Variants in STXBP5L observed in about 807,000 individuals in gnomAD.
The protein encoded by STXBP5L is syntaxin binding protein 5L.
A neutral mutation model predicts 144.5 loss-of-function variants in STXBP5L; 65 were observed. The observed-to-expected ratio is 0.45, with a 90% CI of 0.37 to 0.55. The LOEUF (loss-of-function observed/expected upper bound fraction) is 0.55, where lower values mean the gene tolerates loss of function less well. Among genes scored for constraint, STXBP5L ranks in the 20% least tolerant of loss-of-function variants. STXBP5L has a pLI of 0.00. For missense variants in STXBP5L, 1,298 were observed against 1,405.5 expected (o/e 0.92, Z 1.22); for synonymous variants, 505 against 469.6 (o/e 1.08, Z -0.97).
chr3:121,358,446 C>T (rs1471712001), intron 20 of STXBP5L, among the ~76,000 whole-genome samples: 1 of 152,112 alleles, frequency 6.6e-6, no homozygotes, highest in Non-Finnish European at 1.5e-5. Context: ...CGAGGCATGT[C>T]TTCTCATGGC....
intron 3 of STXBP5L, among the ~76,000 whole-genome samples, chr3:121,004,975 G>A (rs978992743): frequency 6.6e-6 from 1 of 152,090 alleles, no homozygotes; most frequent in African/African-American, 2.4e-5. Flanking sequence ...GAGGATTTTT[G>A]CATCGATGTT....
At chr3:121,084,158 G>C (rs2042382094) in intron 5 of STXBP5L, among the ~76,000 whole-genome samples, 1 of 151,864 alleles carries the variant, frequency 6.6e-6, no homozygotes, top group Non-Finnish European at 1.5e-5. Context: ...AGGTTGTTGA[G>C]ACAGGAGGTA....
intron 3 of STXBP5L, among the ~76,000 whole-genome samples, chr3:121,021,336 AC>A (rs1331211228): frequency 1.3e-5 from 2 of 152,156 alleles, no homozygotes; most frequent in Non-Finnish European, 2.9e-5. Flanking sequence ...TTAATACTCT[AC>A]TGATAGTACT....
chr3:121,303,988 C>A (rs1202051655), intron 19 of STXBP5L, among the ~76,000 whole-genome samples: 2 of 151,412 alleles, frequency 1.3e-5, no homozygotes, highest in Non-Finnish European at 2.9e-5. Flanking sequence ...TGTAACAAAC[C>A]TGCACATTGT....
At chr3:121,003,147 G>T (rs959477455) in intron 3 of STXBP5L, among the ~76,000 whole-genome samples, 2 of 152,124 alleles carry the variant, frequency 1.3e-5, no homozygotes, top group East Asian at 3.8e-4. Flanking sequence ...TTCCACAATG[G>T]TTGAACTAGT....
At chr3:120,952,274 C>T (rs549173058) in intron 2 of STXBP5L, among the ~76,000 whole-genome samples, 24 of 152,068 alleles carry the variant, frequency 1.6e-4, no homozygotes, top group African/African-American at 4.6e-4. Context: ...AATATCAATT[C>T]GGAGAGTATT....
Position 121,233,611 on chromosome 3 carries a change from T to C in STXBP5L, c.1112-5T>C. 6.2e-7 allele frequency: 1 copy of C among 1,605,880 alleles called. No individual in the cohort carries two copies. The highest frequency in any genetic ancestry group is 8.5e-7 in the Non-Finnish European group (1 of 1,176,476). ...AAACTTTTCATTTTTTATTTTTACT[T>C]GTAGAATTTCAAGAACCCTATGCTG... On this transcript the variant is annotated splice_region_variant and splice_polypyrimidine_tract_variant and intron_variant, in intron 11 of 26. Coordinates refer to ENST00000471454, the MANE Select transcript of STXBP5L (RefSeq NM_001308330.2).
At chr3:121,244,225 TA>T (rs200974294) in intron 14 of STXBP5L, among the ~76,000 whole-genome samples, 18 of 150,306 alleles carry the variant, frequency 1.2e-4, no homozygotes, top group East Asian at 7.8e-4. Flanking sequence ...TTGAAATTAT[TA>T]AAAAAAAACA....
At chr3:120,926,439 T>A (rs1384281862) in intron 2 of STXBP5L, among the ~76,000 whole-genome samples, 3 of 152,014 alleles carry the variant, frequency 2.0e-5, no homozygotes, top group Non-Finnish European at 4.4e-5. Context: ...ACCTCCTTTT[T>A]ATGTTATTTG....
intron 22 of STXBP5L, among the ~76,000 whole-genome samples, chr3:121,394,757 A>C (rs765883946): frequency 9.9e-5 from 15 of 151,966 alleles, no homozygotes; most frequent in Non-Finnish European, 1.9e-4. Flanking sequence ...GGCGCCCGCC[A>C]CCACGCCTGG....
intron 3 of STXBP5L, among the ~76,000 whole-genome samples, chr3:121,021,353 G>A (rs1437539550): frequency 6.6e-6 from 1 of 152,120 alleles, no homozygotes; most frequent in Non-Finnish European, 1.5e-5. Flanking sequence ...GTACTAGACA[G>A]GTCATCAAGT....
chr3:121,372,556 G>A (rs1239492849), intron 20 of STXBP5L, among the ~76,000 whole-genome samples: 2 of 152,178 alleles, frequency 1.3e-5, no homozygotes, highest in Admixed American at 6.5e-5. Context: ...CTTCTTGACT[G>A]CTCAACTCAC....
intron 3 of STXBP5L, among the ~76,000 whole-genome samples, chr3:120,975,413 A>C (rs945757485): frequency 2.0e-5 from 3 of 152,190 alleles, no homozygotes; most frequent in African/African-American, 7.2e-5. Context: ...GACTTTGCTG[A>C]AGTTGCTTAT....
intron 3 of STXBP5L, among the ~76,000 whole-genome samples, chr3:121,003,779 A>G (rs983227603): frequency 6.6e-6 from 1 of 152,190 alleles, no homozygotes; most frequent in Non-Finnish European, 1.5e-5. Flanking sequence ...ATGGCTAGGC[A>G]GTTTTCCCAG....
chr3:121,187,208 A>G (rs1259208600), intron 9 of STXBP5L, among the ~76,000 whole-genome samples: 2 of 152,182 alleles, frequency 1.3e-5, no homozygotes, highest in Non-Finnish European at 2.9e-5. Flanking sequence ...ACACCATGGA[A>G]TACTATGCAG....
intron 19 of STXBP5L, among the ~76,000 whole-genome samples, chr3:121,311,327 A>G (rs1281980787): frequency 6.6e-6 from 1 of 152,204 alleles, no homozygotes; most frequent in Non-Finnish European, 1.5e-5. Flanking sequence ...AAGTATTTAA[A>G]GGAAAAACAC....
chr3:121,090,834 T>A (rs960811134), intron 5 of STXBP5L, among the ~76,000 whole-genome samples: 3 of 152,114 alleles, frequency 2.0e-5, no homozygotes, highest in Non-Finnish European at 4.4e-5. Context: ...ACGTGCAGGT[T>A]AGTTACATAT....
intron 3 of STXBP5L, among the ~76,000 whole-genome samples, chr3:120,956,805 T>C (rs1445246681): frequency 1.3e-5 from 2 of 151,950 alleles, no homozygotes; most frequent in Non-Finnish European, 2.9e-5. Flanking sequence ...GTAATTGCCC[T>C]TTGATGCAAA....
intron 7 of STXBP5L, among the ~76,000 whole-genome samples, chr3:121,143,350 A>G (rs1252598640): frequency 6.6e-6 from 1 of 151,668 alleles, no homozygotes; most frequent in Non-Finnish European, 1.5e-5. Flanking sequence ...TTACCCTGAC[A>G]CCAAAACTAG....
Sources: allele counts gnomAD v4.1 joint callset (sites outside exome capture counted in the v4.1 genomes callset), GRCh38; gene constraint gnomAD v4.1.1; transcripts MANE v1.5; gene names NCBI Gene and HGNC (gene_info 2026-07-23, HGNC 2026-07-21).